Variants in SEC24C observed in about 807,000 individuals in gnomAD.
The protein encoded by SEC24C is protein transport protein Sec24C.
SEC24C carries 22 observed loss-of-function variants against 117.0 expected under a neutral mutation model. The ratio of observed to expected loss-of-function variants is 0.19; its 90% CI spans 0.13 to 0.27. The LOEUF (loss-of-function observed/expected upper bound fraction) is 0.27, where lower values mean the gene tolerates loss of function less well. SEC24C is among the 10% of genes least tolerant of loss of function. SEC24C has a pLI of 1.00. For missense variants in SEC24C, 1,155 were observed against 1,375.1 expected, an observed-to-expected ratio of 0.84 and a Z score of 2.53; for synonymous variants, 506 against 529.4, an observed-to-expected ratio of 0.96 and a Z score of 0.61.
rs756240736 is a variant in SEC24C at position 73,769,570 on chromosome 10, CAT to C, written c.2564-44_2564-43del. On this transcript the variant is annotated intron_variant, in intron 18 of 22. Transcript: ENST00000345254. This position sits in a 1 kb window ranked among gnomAD's most constrained non-coding sequence, Gnocchi z 4.5. ...GTAGTTGTGATGGTGGGAATGCACA[CAT>C]GATGGGCAGCTGACCAGTGACTATC... The C allele has an allele frequency of 5.0e-6, 8 of 1,611,832 alleles. No individual in the cohort carries two copies. The highest frequency in any genetic ancestry group is 1.1e-5 in the South Asian group (1 of 90,986).
intron 2 of SEC24C, 96 bp from the exon 3 acceptor site, chr10:73,751,012 A>C: frequency 7.4e-7 from 1 of 1,356,468 alleles, no homozygotes; most frequent in Non-Finnish European, 1.0e-6. Flanking sequence ...TGGGCCAGTG[A>C]AGGTCTGAGT....
chr10:73,766,888 C>T (rs2082892498), intron 13 of SEC24C, 35 bp downstream of exon 13: 2 of 1,575,624 alleles, frequency 1.3e-6, no homozygotes, highest in African/African-American at 1.3e-5. Context: ...TCCTCTAACT[C>T]CATTTTCCTC....
chr10:73,766,601 C>A, intron 12 of SEC24C, 60 bp downstream of exon 12: 3 of 1,541,370 alleles, frequency 1.9e-6, no homozygotes, highest in Middle Eastern at 1.7e-4. Context: ...CATAGAAGGT[C>A]ATGGAGTTGA....
chr10:73,765,472 C>A lies in SEC24C; in HGVS notation c.1249C>A (p.His417Asn), dbSNP rs1332549958. The change falls in exon 9 of 23, where the codon CAT becomes AAT. Residue 417 changes from histidine to asparagine, a missense_variant. By Grantham distance (68) the His-to-Asn change is moderately conservative. Around this residue, in one of 2 missense-constraint regions of SEC24C, gnomAD observed 759 missense variants for 992.3 expected, o/e 0.76. Coordinates refer to ENST00000345254, the MANE Select transcript of SEC24C (RefSeq NM_198597.3). Reference sequence around the variant, plus strand: ...TTAGGCTTCACCGTATGTTGTGGACCATGGGGAATCTGGCCCTTTGCGCTG... The same window carrying A: ...TTAGGCTTCACCGTATGTTGTGGACAATGGGGAATCTGGCCCTTTGCGCTG... Reference protein sequence around the residue: ...PEEASPYVVDHGESGPLRCNR... With the variant: ...PEEASPYVVDNGESGPLRCNR... The A allele has an allele frequency of 1.9e-6, 3 of 1,613,552 alleles. No individual in the cohort carries two copies. The African/African-American group carries it at 4.0e-5, about 22-fold the overall frequency.
chr10:73,763,549 A>T lies in SEC24C; in HGVS notation c.1047A>T (p.Val349=), dbSNP rs1281970886. ...NRGTEPFVTG[V]RGQVPPLVTT... is the part of the protein sequence containing the mutation. ...GTACAGAGCCATTTGTTACTGGAGT[A>T]CGGGGCCAGGTGCCACCCTTAGTCA... Residue 349 remains valine, a synonymous_variant, in exon 7 of 23, where the codon GTA becomes GTT. Coordinates refer to ENST00000345254, the MANE Select transcript of SEC24C (RefSeq NM_198597.3). 1 of 1,613,376 alleles carries T rather than the reference A, an allele frequency of 6.2e-7. No individual in the cohort carries two copies. Among genetic ancestry groups the T allele is most frequent in the Non-Finnish European group, 8.5e-7 (1 of 1,179,778 alleles).
intron 10 of SEC24C, 71 bp from the exon 11 acceptor site, chr10:73,766,015 A>T (rs911717321): frequency 2.5e-6 from 4 of 1,595,926 alleles, no homozygotes; most frequent in Non-Finnish European, 1.7e-6. Flanking sequence ...TCCCTTTTTG[A>T]TGCTGACTTC....
In SEC24C at chr10:73,769,273, C is replaced by T. The variant is rs2082935567; in HGVS notation, c.2425-74C>T. 8.8e-6 allele frequency: 14 copies of T among 1,593,858 alleles called. No homozygotes were observed. The highest frequency in any genetic ancestry group is 1.2e-5 in the Non-Finnish European group (14 of 1,169,090). On this transcript the variant is annotated intron_variant, in intron 17 of 22. Coordinates refer to ENST00000345254, the MANE Select transcript of SEC24C (RefSeq NM_198597.3). The surrounding 1 kb of genome is among the most constrained non-coding windows in gnomAD (Gnocchi z 4.5). ...GGGCACGGGAGTGGCTCATTTCTCT[C>T]TTCCAGTTTAATAGTGTAGCAAAGG...
intron 3 of SEC24C, among the ~76,000 whole-genome samples, chr10:73,755,432 C>A (rs1390786555): frequency 6.6e-6 from 1 of 151,924 alleles, no homozygotes; most frequent in East Asian, 1.9e-4. Flanking sequence ...AATTCCAGCA[C>A]TTTGGGAGGC....
At chr10:73,768,701 T>C (rs894625605) in intron 15 of SEC24C, 109 bp from the exon 16 acceptor site, 7 of 934,870 alleles carry the variant, frequency 7.5e-6, no homozygotes, top group Non-Finnish European at 1.2e-5. Context: ...CTCACTGTTA[T>C]GATGATGATA....
At position 73,765,441 on chromosome 10, in the gene SEC24C, T is replaced by C; in HGVS notation, c.1228-10T>C. 2.5e-6 allele frequency: 4 copies of C among 1,607,006 alleles called. No individual in the cohort carries two copies. Among genetic ancestry groups the C allele is most frequent in the Non-Finnish European group, 2.6e-6 (3 of 1,173,894 alleles). Reference sequence around the variant, plus strand: ...CCTTTATGTCTGATCCCTTCCCCTTTGCGCCTTAGGCTTCACCGTATGTTG... The same window carrying C: ...CCTTTATGTCTGATCCCTTCCCCTTCGCGCCTTAGGCTTCACCGTATGTTG... On this transcript the variant is annotated splice_polypyrimidine_tract_variant and intron_variant, in intron 8 of 22. Transcript: ENST00000345254.
chr10:73,767,622 C>G (rs531400454), intron 14 of SEC24C, among the ~76,000 whole-genome samples: 1 of 152,252 alleles, frequency 6.6e-6, no homozygotes, highest in Non-Finnish European at 1.5e-5. Flanking sequence ...GAGCTGAGAT[C>G]ATGCCACTCT....
rs1376448374 is a variant in SEC24C at position 73,759,787 on chromosome 10, G to T, written c.474G>T (p.Leu158=). The T allele has an allele frequency of 7.0e-6, 11 of 1,579,670 alleles. No individual in the cohort carries two copies. The highest frequency in any genetic ancestry group is 9.4e-6 in the Non-Finnish European group (11 of 1,167,036). ...CCCCAGCCCCTCCTTCTTCAGGGCT[G>T]GGCTTTGGTGAGTGGCTGTGAACAC... ...AVAPAPPSSG[L]GFGPPTSLAS... Residue 158 remains leucine, a synonymous_variant, in exon 4 of 23, where the codon CTG becomes CTT. Transcript: ENST00000345254.
In SEC24C at chr10:73,760,116, C is replaced by G. The variant is rs763434355; in HGVS notation, c.580C>G (p.Gln194Glu). ...QGQAPPLSQAQGHPGIQTPQR... is the reference protein window; with the variant it reads ...QGQAPPLSQAEGHPGIQTPQR... ...CCAGGCTCCTCCCCTTAGCCAGGCCCAAGGTCATCCTGGGATCCAGACTCC... is the reference window on the plus strand; with the variant it reads ...CCAGGCTCCTCCCCTTAGCCAGGCCGAAGGTCATCCTGGGATCCAGACTCC... The change falls in exon 5 of 23, where the codon CAA becomes GAA. Residue 194 changes from glutamine (Q) to glutamate (E), a missense_variant. Transcript: ENST00000345254. 2 of 1,614,106 alleles carry G rather than the reference C, an allele frequency of 1.2e-6. No individual in the cohort carries two copies. Among genetic ancestry groups the G allele is most frequent in the East Asian group, 4.5e-5 (2 of 44,886 alleles).
chr10:73,767,422 G>A (rs1367683590), intron 14 of SEC24C, among the ~76,000 whole-genome samples: 2 of 152,260 alleles, frequency 1.3e-5, no homozygotes, highest in African/African-American at 2.4e-5. Context: ...TAATCCGAGC[G>A]CTTTGGGAGG....
intron 2 of SEC24C, among the ~76,000 whole-genome samples, chr10:73,749,897 T>G (rs1002486769): frequency 3.3e-5 from 5 of 152,226 alleles, no homozygotes; most frequent in Non-Finnish European, 7.3e-5. Flanking sequence ...CCAGAGGGGC[T>G]TTTTGGAAAT....
In SEC24C at chr10:73,768,987, C is replaced by T; in HGVS notation, c.2279-20C>T. ...GCACTTGTCATACTTTTTGCCCTGA[C>T]CCTGTCCATGTGGCCTCAGGTATCC... is the stretch of plus-strand genomic sequence containing the variant. On this transcript the variant is annotated intron_variant, in intron 16 of 22. Transcript: ENST00000345254. The T allele has an allele frequency of 1.9e-6, 3 of 1,614,216 alleles. No homozygotes were observed. Among genetic ancestry groups the T allele is most frequent in the East Asian group, 2.2e-5 (1 of 44,888 alleles).
intron 15 of SEC24C, 137 bp downstream of exon 15, chr10:73,768,144 G>A (rs2082914589): frequency 2.7e-6 from 2 of 747,402 alleles, no homozygotes; most frequent in Non-Finnish European, 4.1e-6. Context: ...AGCACTTTGG[G>A]AGGCTGAGGC....
chr10:73,757,775 G>A (rs901105174), intron 3 of SEC24C, among the ~76,000 whole-genome samples: 1 of 151,230 alleles, frequency 6.6e-6, no homozygotes, highest in Non-Finnish European at 1.5e-5. Flanking sequence ...AGCTAGGTGT[G>A]GTGGTGTGTG....
At chr10:73,748,307 G>A (rs2132518123) in intron 2 of SEC24C, among the ~76,000 whole-genome samples, 1 of 150,658 alleles carries the variant, frequency 6.6e-6, no homozygotes, top group Non-Finnish European at 1.5e-5. Context: ...GGCATTTTTT[G>A]TATTTTTAGT....
Sources: gnomAD v4.1 joint callset for allele counts (sites outside exome capture counted in the v4.1 genomes callset) on GRCh38, gnomAD v4.1.1 for gene constraint, gnomAD v4.1.1 regional missense constraint, Gnocchi (gnomAD v3.1) non-coding constraint, MANE v1.5 for transcripts, NCBI Gene and HGNC (gene_info 2026-07-23, HGNC 2026-07-21) for gene names.